LRP1B: variants seen among roughly 807,000 people sequenced by gnomAD.
The protein encoded by LRP1B is LDL receptor related protein 1B.
In LRP1B, 217 loss-of-function variants were observed where a neutral mutation model predicts 556.6. That is an observed-to-expected ratio of 0.39 (90% CI 0.35 to 0.44). LRP1B has a LOEUF of 0.44. Among genes scored for constraint, LRP1B ranks in the 20% least tolerant of loss-of-function variants. LRP1B has a pLI of 1.00. For missense variants in LRP1B, 5,053 were observed against 5,620.8 expected (o/e 0.90, Z 3.23); for synonymous variants, 2,047 against 1,865.8 (o/e 1.10, Z -2.50).
At chr2:141,800,247 A>C (rs1157212330) in intron 2 of LRP1B, among the ~76,000 whole-genome samples, 4 of 152,188 alleles carry the variant, frequency 2.6e-5, no homozygotes, top group Non-Finnish European at 5.9e-5. Context: ...CATGAATGAC[A>C]ATCTTGCTCC....
At chr2:141,019,874 T>G in intron 12 of LRP1B, 48 bp downstream of exon 12, 1 of 1,329,352 alleles carries the variant, frequency 7.5e-7, no homozygotes, top group Non-Finnish European at 1.0e-6. Context: ...AGAAACAAAT[T>G]TATCTATTAT....
chr2:142,122,487 T>A (rs377689073), intron 1 of LRP1B, among the ~76,000 whole-genome samples: 1 of 152,120 alleles, frequency 6.6e-6, no homozygotes, highest in Non-Finnish European at 1.5e-5. Flanking sequence ...CAAATTTTCT[T>A]GCAAATAAGA....
intron 66 of LRP1B, among the ~76,000 whole-genome samples, chr2:140,387,530 C>T (rs1456324267): frequency 7.2e-5 from 11 of 151,974 alleles, no homozygotes; most frequent in Admixed American, 5.2e-4. Flanking sequence ...GCTCCAGCAA[C>T]ATTTTATTAG....
At chr2:140,780,770 A>C in intron 32 of LRP1B, among the ~76,000 whole-genome samples, 1 of 152,188 alleles carries the variant, frequency 6.6e-6, no homozygotes, top group African/African-American at 2.4e-5. Flanking sequence ...GCAGGATAAT[A>C]AAAAAAAGAT....
At chr2:141,467,869 A>G (rs1037254763) in intron 3 of LRP1B, among the ~76,000 whole-genome samples, 2 of 148,310 alleles carry the variant, frequency 1.3e-5, no homozygotes, top group Non-Finnish European at 1.5e-5. Context: ...CATACAGTGT[A>G]GCACATACTA....
At chr2:141,406,324 A>G (rs1690631892) in intron 3 of LRP1B, among the ~76,000 whole-genome samples, 1 of 152,132 alleles carries the variant, frequency 6.6e-6, no homozygotes, top group Non-Finnish European at 1.5e-5. Flanking sequence ...ATAATTAATC[A>G]TCCAAATCAG....
At chr2:141,899,846 T>C (rs916190894) in intron 1 of LRP1B, among the ~76,000 whole-genome samples, 4 of 152,088 alleles carry the variant, frequency 2.6e-5, no homozygotes, top group African/African-American at 4.8e-5. Flanking sequence ...CACTGTTGTA[T>C]CTGGCCACCC....
chr2:142,072,230 A>G (rs1705343286), intron 1 of LRP1B, among the ~76,000 whole-genome samples: 1 of 151,928 alleles, frequency 6.6e-6, no homozygotes, highest in Admixed American at 6.6e-5. Flanking sequence ...GATCTTGAAA[A>G]GCTTTTGATC....
At chr2:140,268,166 G>A (rs139051910) in intron 86 of LRP1B, among the ~76,000 whole-genome samples, 1 of 151,846 alleles carries the variant, frequency 6.6e-6, no homozygotes, top group Non-Finnish European at 1.5e-5. Flanking sequence ...AATAAAATAG[G>A]TACCTGAATC....
At chr2:141,004,174 G>C (rs1443885642) in intron 15 of LRP1B, among the ~76,000 whole-genome samples, 1 of 152,022 alleles carries the variant, frequency 6.6e-6, no homozygotes, top group East Asian at 1.9e-4. Flanking sequence ...TCAGCAATTT[G>C]TGATGGTTAA....
At chr2:141,137,281 C>T (rs944075858) in intron 7 of LRP1B, among the ~76,000 whole-genome samples, 2 of 151,844 alleles carry the variant, frequency 1.3e-5, no homozygotes, top group African/African-American at 4.8e-5. Context: ...GAGAAAAGTG[C>T]CCACATATCT....
chr2:142,068,555 C>T (rs1379538283), intron 1 of LRP1B, among the ~76,000 whole-genome samples: 2 of 151,448 alleles, frequency 1.3e-5, no homozygotes, highest in Non-Finnish European at 3.0e-5. Flanking sequence ...CCAACATTGT[C>T]TTGTCCATTC....
rs35887312 is a variant in LRP1B, at chr2:141,662,762, A to T, written c.205+147517T>A. Among the ~76,000 whole-genome samples the T allele has an allele frequency of 5.3e-5, 8 of 152,184 alleles. No individual in the cohort carries two copies. In the East Asian group the frequency reaches 9.7e-4, roughly 18 times the overall value. The stretch of plus-strand genomic sequence containing the variant: ...TTTAACACCCCACTGTCAATATTAG[A>T]CAGATTATTGAGACAAAATTAACAA... On this transcript the variant is annotated intron_variant, in intron 2 of 90. Coordinates refer to ENST00000389484, the MANE Select transcript of LRP1B (RefSeq NM_018557.3).
chr2:141,850,229 C>T (rs1228638516), intron 1 of LRP1B, among the ~76,000 whole-genome samples: 3 of 151,462 alleles, frequency 2.0e-5, no homozygotes, highest in Non-Finnish European at 3.0e-5. Flanking sequence ...CATTTTTATG[C>T]TTTTTTTCCC....
At chr2:142,094,459 A>C (rs1245316258) in intron 1 of LRP1B, among the ~76,000 whole-genome samples, 1 of 152,036 alleles carries the variant, frequency 6.6e-6, no homozygotes, top group Non-Finnish European at 1.5e-5. Context: ...ACTTCAACTG[A>C]TGTATAGCTA....
At chr2:141,622,669 AAG>A (rs1264934969) in intron 2 of LRP1B, among the ~76,000 whole-genome samples, 1 of 152,232 alleles carries the variant, frequency 6.6e-6, no homozygotes, top group Non-Finnish European at 1.5e-5. Flanking sequence ...AGTAAAGTGG[AAG>A]AGTTCATTGT....
At position 140,716,079 on chromosome 2, in the gene LRP1B, C is replaced by T; in HGVS notation, c.5917G>A (p.Gly1973Ser). The change falls in exon 37 of 91, where the codon GGT becomes AGT. Residue 1973 changes from glycine to serine, a missense_variant. Coordinates refer to ENST00000389484, the MANE Select transcript of LRP1B (RefSeq NM_018557.3). Reference sequence around the variant, plus strand: ...CTTGCAACTTCAATTAAGTTGAAACCATGATCTGTCCAATATATGTTACCT... The same window carrying T: ...CTTGCAACTTCAATTAAGTTGAAACTATGATCTGTCCAATATATGTTACCT... The part of the protein sequence containing the change: ...IAGNIYWTDH[G>S]FNLIEVARLN... 1 of 1,604,824 alleles carries T rather than the reference C, an allele frequency of 6.2e-7. No homozygotes were observed. Among genetic ancestry groups the T allele is most frequent in the Middle Eastern group, 1.7e-4 (1 of 5,996 alleles).
chr2:141,159,321 G>A (rs1467032494), intron 7 of LRP1B, among the ~76,000 whole-genome samples: 1 of 152,090 alleles, frequency 6.6e-6, no homozygotes, highest in East Asian at 1.9e-4. Context: ...AATTTAATTA[G>A]GGCAGTATAT....
intron 41 of LRP1B, among the ~76,000 whole-genome samples, chr2:140,677,674 A>G (rs1685717253): frequency 1.3e-5 from 2 of 151,928 alleles, no homozygotes; most frequent in Non-Finnish European, 2.9e-5. Flanking sequence ...GTGGTTCGAG[A>G]TCAGCCTGGT....
Sources: allele counts gnomAD v4.1 joint callset (sites outside exome capture counted in the v4.1 genomes callset), GRCh38; gene constraint gnomAD v4.1.1; transcripts MANE v1.5; gene names NCBI Gene and HGNC (gene_info 2026-07-23, HGNC 2026-07-21).